Variants in RUNX1 observed in about 807,000 individuals in gnomAD.
RUNX1 encodes runt-related transcription factor 1.
Under a neutral mutation model 42.8 loss-of-function variants are expected in RUNX1, and 19 were observed. The observed-to-expected ratio is 0.44, with a 90% CI of 0.31 to 0.65. The LOEUF (loss-of-function observed/expected upper bound fraction) is 0.65. RUNX1 is among the 30% of genes least tolerant of loss of function. The probability of loss-of-function intolerance (pLI) is 0.07; values close to 1 mark genes in which losing one functional copy is unlikely to be tolerated. For synonymous variants in RUNX1, 271 were observed against 289.4 expected (o/e 0.94, Z 0.64); for missense variants, 528 against 672.0 (o/e 0.79, Z 2.37).
intron 2 of RUNX1, among the ~76,000 whole-genome samples, chr21:34,953,468 G>A (rs1029347215): frequency 1.3e-5 from 2 of 152,088 alleles, no homozygotes; most frequent in African/African-American, 2.4e-5. Flanking sequence ...CAGAGCTCAG[G>A]CAGCCATCCT....
At chr21:34,926,263 C>G (rs2058392328) in intron 2 of RUNX1, among the ~76,000 whole-genome samples, 1 of 151,200 alleles carries the variant, frequency 6.6e-6, no homozygotes, top group Admixed American at 6.6e-5. Context: ...CTGCTTGACC[C>G]CAAAAGTTTG....
intron 7 of RUNX1, among the ~76,000 whole-genome samples, chr21:34,809,180 A>T (rs1415819173): frequency 6.6e-6 from 1 of 152,078 alleles, no homozygotes. Flanking sequence ...ACACCAGCAC[A>T]TCATGGATGT....
intron 5 of RUNX1, among the ~76,000 whole-genome samples, chr21:34,865,274 T>TTG (rs1555895656): frequency 7.8e-6 from 1 of 128,106 alleles, no homozygotes; most frequent in African/African-American, 2.9e-5. Context: ...AGGAGGGGTT[T>TTG]TGTGCGTGTG....
At chr21:34,918,006 G>A (rs1179741941) in intron 2 of RUNX1, among the ~76,000 whole-genome samples, 2 of 151,496 alleles carry the variant, frequency 1.3e-5, no homozygotes. Flanking sequence ...GTGGGTGCCT[G>A]TAGTACCAGC....
chr21:34,949,894 T>C (rs1025835646), intron 2 of RUNX1, among the ~76,000 whole-genome samples: 4 of 152,358 alleles, frequency 2.6e-5, no homozygotes, highest in African/African-American at 4.8e-5. Flanking sequence ...AGGTAAACCA[T>C]GTGATGTCCC....
In RUNX1 at chr21:34,874,562, A is replaced by G. The variant is rs141289058; in HGVS notation, c.508+5995T>C. 2.1e-3 allele frequency among the ~76,000 whole-genome samples: 309 copies of G among 144,258 alleles called. 1 individual carries two copies. The highest frequency in any genetic ancestry group is 7.8e-3 in the African/African-American group (294 of 37,612). 94.6% of individuals were successfully genotyped at this position (144,258 alleles called of 152,430 possible). A position where few individuals can be genotyped will look rare whatever the true frequency, so the allele number is the denominator to read the frequency against. On this transcript the variant is annotated intron_variant, in intron 5 of 8. Coordinates refer to ENST00000675419, the MANE Select transcript of RUNX1 (RefSeq NM_001754.5). ...GAGGTGGAGGTTGCAGTGAGCTGAG[A>G]TCACACCACTGCACTCCAGCCTAGG...
chr21:34,916,283 T>C (rs965769135), intron 2 of RUNX1, among the ~76,000 whole-genome samples: 1 of 152,186 alleles, frequency 6.6e-6, no homozygotes, highest in Admixed American at 6.5e-5. Flanking sequence ...TACCTGATCA[T>C]TAATATACTC....
chr21:34,922,695 G>A (rs2058362909), intron 2 of RUNX1, among the ~76,000 whole-genome samples: 1 of 152,160 alleles, frequency 6.6e-6, no homozygotes, highest in Admixed American at 6.5e-5. Flanking sequence ...TGGTGGTGAG[G>A]CCTGGGGAAG....
At chr21:34,967,334 A>AAAAAAAAAAAAAAAAAAAG (rs2058727939) in intron 2 of RUNX1, among the ~76,000 whole-genome samples, 1 of 143,848 alleles carries the variant, frequency 7.0e-6, no homozygotes, top group Non-Finnish European at 1.5e-5. Flanking sequence ...AAAAAAAAAA[A>AAAAAAAAAAAAAAAAAAAG]AAAAAAAAAA....
At chr21:34,850,445 C>T (rs1224743454) in intron 6 of RUNX1, among the ~76,000 whole-genome samples, 7 of 152,184 alleles carry the variant, frequency 4.6e-5, no homozygotes, top group African/African-American at 1.7e-4. Context: ...TTGGGAGACA[C>T]ACTGCATTTG....
intron 2 of RUNX1, among the ~76,000 whole-genome samples, chr21:34,942,747 T>G (rs964475498): frequency 1.3e-5 from 2 of 152,176 alleles, no homozygotes; most frequent in Admixed American, 6.5e-5. Context: ...TGGCATTCAG[T>G]GCACAATGAA....
intron 2 of RUNX1, among the ~76,000 whole-genome samples, chr21:34,916,823 G>A (rs368574822): frequency 1.2e-3 from 182 of 152,296 alleles, no homozygotes; most frequent in African/African-American, 4.0e-3. Context: ...GCCCTGGGTC[G>A]CGGCGGCATT....
At position 35,000,883 on chromosome 21, in the gene RUNX1, C is replaced by G. The variant is rs1439793312; in HGVS notation, c.58+47959G>C. 7.9e-5 allele frequency among the ~76,000 whole-genome samples: 12 copies of G among 152,214 alleles called. No homozygotes were observed. In the East Asian group the frequency reaches 1.3e-3, roughly 17 times the overall value. On this transcript the variant is annotated intron_variant, in intron 2 of 8. Transcript: ENST00000675419. ...TGGTTACTAGTTTGTCCCTGAGCCA[C>G]TTCTTCTGGTGCCAGGCTGAGCTAA...
At chr21:34,889,674 C>G in intron 3 of RUNX1, 1 of 1,155,252 alleles carries the variant, frequency 8.7e-7, no homozygotes, top group South Asian at 2.0e-5. Flanking sequence ...GTGCGGAACC[C>G]ACCCCGGCTT....
At position 34,948,838 on chromosome 21, in the gene RUNX1, C is replaced by T. The variant is rs8127016; in HGVS notation, c.59-55875G>A. On this transcript the variant is annotated intron_variant, in intron 2 of 8. Coordinates refer to ENST00000675419, the MANE Select transcript of RUNX1 (RefSeq NM_001754.5). ...TCAGCTCATTGCAACCTCCGCCTCC[C>T]GGGCTCAAGCAATTCTCCTGCTTCA... Among the ~76,000 whole-genome samples, 1,207 of 152,248 alleles carry T rather than the reference C, an allele frequency of 7.9e-3. 14 individuals are homozygous for T. Among genetic ancestry groups the T allele is most frequent in the African/African-American group, 0.023 (948 of 41,540 alleles).
intron 2 of RUNX1, among the ~76,000 whole-genome samples, chr21:35,000,758 T>C (rs1601657592): frequency 6.6e-6 from 1 of 152,330 alleles, no homozygotes; most frequent in Non-Finnish European, 1.5e-5. Context: ...GTCTCTCACA[T>C]CATTGCCTTT....
chr21:34,797,794 C>T (rs2056550813), intron 8 of RUNX1, among the ~76,000 whole-genome samples: 1 of 152,170 alleles, frequency 6.6e-6, no homozygotes, highest in African/African-American at 2.4e-5. Context: ...TACTGTACCA[C>T]CCAAGAACAC....
At chr21:35,048,766 G>T in intron 2 of RUNX1, 76 bp downstream of exon 2, 1 of 1,243,124 alleles carries the variant, frequency 8.0e-7, no homozygotes, top group Non-Finnish European at 1.2e-6. Flanking sequence ...TCTCTGCACC[G>T]AGGTGAAACA....
chr21:34,792,751 G>A lies in RUNX1; in HGVS notation c.968-141C>T. On this transcript the variant is annotated intron_variant, in intron 8 of 8. Transcript: ENST00000675419. The surrounding 1 kb of genome is among the most constrained non-coding windows in gnomAD (Gnocchi z 6.9). ...CACCCAGGATGCTACTGCTGGGGAG[G>A]ACGGGGACCACCCGGGATGCTACTC... The A allele has an allele frequency of 1.2e-6, 1 of 805,306 alleles. No individual in the cohort carries two copies. Among genetic ancestry groups the A allele is most frequent in the South Asian group, 1.8e-5 (1 of 55,314 alleles). The allele number at this position is 805,306 out of a possible 1,614,324, so 49.9% of individuals were successfully genotyped here. A position where few individuals can be genotyped will look rare whatever the true frequency, so the allele number is the denominator to read the frequency against.
Sources: gnomAD v4.1 joint callset for allele counts (sites outside exome capture counted in the v4.1 genomes callset) on GRCh38, gnomAD v4.1.1 for gene constraint, Gnocchi (gnomAD v3.1) non-coding constraint, MANE v1.5 for transcripts, NCBI Gene and HGNC (gene_info 2026-07-23, HGNC 2026-07-21) for gene names.